DCAF5: variants seen among roughly 807,000 people sequenced by gnomAD.
The protein encoded by DCAF5 is DDB1- and CUL4-associated factor 5.
Under a neutral mutation model 80.7 loss-of-function variants are expected in DCAF5, and 9 were observed. The ratio of observed to expected loss-of-function variants is 0.11; its 90% CI spans 0.07 to 0.19. DCAF5 has a LOEUF of 0.19. Ranked by LOEUF, DCAF5 falls within the 10% of genes least tolerant of loss-of-function variation. The pLI, the probability that DCAF5 is intolerant of heterozygous loss-of-function variation, is 1.00. For synonymous variants in DCAF5, 433 were observed against 461.9 expected (o/e 0.94, Z 0.80); for missense variants, 842 against 1,205.7 (o/e 0.70, Z 4.47).
chr14:69,079,689 G>A (rs1001675535), intron 6 of DCAF5, among the ~76,000 whole-genome samples: 13 of 152,160 alleles, frequency 8.5e-5, no homozygotes, highest in African/African-American at 3.1e-4. Flanking sequence ...TCTAATATGT[G>A]TTAGGCATTG....
intron 7 of DCAF5, among the ~76,000 whole-genome samples, chr14:69,071,466 G>A (rs1017749068): frequency 2.6e-5 from 4 of 152,126 alleles, no homozygotes; most frequent in Non-Finnish European, 4.4e-5. Flanking sequence ...AATAAATGCT[G>A]ACTGCTTGTC....
At chr14:69,126,827 A>G (rs1395914602) in intron 1 of DCAF5, among the ~76,000 whole-genome samples, 4 of 152,152 alleles carry the variant, frequency 2.6e-5, no homozygotes, top group African/African-American at 9.6e-5. Context: ...TTTTCAACAA[A>G]TGGTGCTGAA....
intron 6 of DCAF5, chr14:69,090,193 A>C (rs2039483087): frequency 4.9e-6 from 4 of 811,454 alleles, no homozygotes. Context: ...AAAGGAAGAG[A>C]GGGAGAGACT....
intron 1 of DCAF5, among the ~76,000 whole-genome samples, chr14:69,132,118 T>C (rs2041060110): frequency 6.6e-6 from 1 of 152,230 alleles, no homozygotes; most frequent in South Asian, 2.1e-4. Flanking sequence ...TACAAATATC[T>C]GTTTGAGCCT....
At chr14:69,099,779 C>T (rs1594995298) in intron 5 of DCAF5, among the ~76,000 whole-genome samples, 1 of 71,294 alleles carries the variant, frequency 1.4e-5, no homozygotes, top group Non-Finnish European at 3.0e-5. Flanking sequence ...CCTGTCTCTA[C>T]AAAAAAAAAA....
At chr14:69,139,321 G>A (rs2041288086) in intron 1 of DCAF5, among the ~76,000 whole-genome samples, 1 of 150,762 alleles carries the variant, frequency 6.6e-6, no homozygotes, top group Non-Finnish European at 1.5e-5. Context: ...TTGTCTCTAC[G>A]AAAAAATTAA....
chr14:69,130,628 A>G (rs868744334), intron 1 of DCAF5, among the ~76,000 whole-genome samples: 8 of 152,384 alleles, frequency 5.2e-5, no homozygotes, highest in South Asian at 4.1e-4. Flanking sequence ...TACTACTTAT[A>G]TATGTACAAT....
At chr14:69,145,250 T>A (rs2041503375) in intron 1 of DCAF5, among the ~76,000 whole-genome samples, 2 of 152,244 alleles carry the variant, frequency 1.3e-5, no homozygotes, top group Non-Finnish European at 2.9e-5. Context: ...ACTCCGGGGC[T>A]CAAGTGATCC....
rs1313106699 is a variant in DCAF5, at chr14:69,146,559, T to C, written c.214+6206A>G. On this transcript the variant is annotated intron_variant, in intron 1 of 8. Transcript: ENST00000341516. ...AAGAGCATTTTTGCTGTATTAAGTA[T>C]AGCAAACCAGAGGAAAAAAAAATCT... Among the ~76,000 whole-genome samples, 4 of 152,092 alleles carry C rather than the reference T, an allele frequency of 2.6e-5. No individual in the cohort carries two copies. In the East Asian group the frequency reaches 7.7e-4, roughly 29 times the overall value.
At chr14:69,070,248 A>C (rs2038632597) in intron 7 of DCAF5, among the ~76,000 whole-genome samples, 1 of 152,206 alleles carries the variant, frequency 6.6e-6, no homozygotes, top group African/African-American at 2.4e-5. Flanking sequence ...AGGGAAAGGC[A>C]ATATAAATAT....
chr14:69,139,058 G>A (rs2041276784), intron 1 of DCAF5, among the ~76,000 whole-genome samples: 1 of 152,098 alleles, frequency 6.6e-6, no homozygotes, highest in Non-Finnish European at 1.5e-5. Context: ...GGTTGAGGTG[G>A]GAGGATCACT....
Position 69,152,504 on chromosome 14 carries a change from A to G in DCAF5, c.214+261T>C. On this transcript the variant is annotated intron_variant, in intron 1 of 8. Transcript: ENST00000341516. This position sits in a 1 kb window ranked among gnomAD's most constrained non-coding sequence, Gnocchi z 4.1. ...CCCGACCTACACTTTCAGGGCAGGCATCAGGAGAGATCACTTTGCACTTGG... is the reference window on the plus strand; with the variant it reads ...CCCGACCTACACTTTCAGGGCAGGCGTCAGGAGAGATCACTTTGCACTTGG... 2 of 489,860 alleles carry G rather than the reference A, an allele frequency of 4.1e-6. No homozygotes were observed. The highest frequency in any genetic ancestry group is 7.4e-6 in the Non-Finnish European group (2 of 268,796). 30.3% of individuals were successfully genotyped at this position (489,860 alleles called of 1,614,324 possible).
intron 6 of DCAF5, among the ~76,000 whole-genome samples, chr14:69,078,653 G>A (rs2038985765): frequency 6.6e-6 from 1 of 152,180 alleles, no homozygotes; most frequent in Non-Finnish European, 1.5e-5. Flanking sequence ...ACTGAAATAA[G>A]CCAGTCACAA....
chr14:69,055,188 T>C lies in DCAF5; in HGVS notation c.1498A>G (p.Thr500Ala). 6.2e-7 allele frequency: 1 copy of C among 1,614,128 alleles called. No individual in the cohort carries two copies. The highest frequency in any genetic ancestry group is 8.5e-7 in the Non-Finnish European group (1 of 1,180,018). Residue 500 changes from threonine to alanine, a missense_variant, in exon 9 of 9, where the codon ACA becomes GCA. This residue lies in a region of DCAF5 where 607 missense variants were observed against 656.6 expected (regional missense o/e 0.92). Transcript: ENST00000341516. This position sits in a 1 kb window ranked among gnomAD's most constrained non-coding sequence, Gnocchi z 5.6. Reference protein sequence around the residue: ...TTNTVASTPPTPTCEDAASRQ... With the variant: ...TTNTVASTPPAPTCEDAASRQ... ...GAGGCTGCATCCTCACACGTGGGTG[T>C]TGGTGGAGTTGAGGCTACTGTGTTT... is the stretch of plus-strand genomic sequence containing the variant.
Position 69,055,174 on chromosome 14 carries a change from C to G in DCAF5, c.1512G>C (p.Glu504Asp). 1 of 1,614,250 alleles carries G rather than the reference C, an allele frequency of 6.2e-7. No individual in the cohort carries two copies. Among genetic ancestry groups the G allele is most frequent in the Admixed American group, 1.7e-5 (1 of 60,032 alleles). ...VASTPPTPTCEDAASRQQRLS... is the reference protein window; with the variant it reads ...VASTPPTPTCDDAASRQQRLS... ...GACGCTGCTGGCGAGAGGCTGCATC[C>G]TCACACGTGGGTGTTGGTGGAGTTG... is the stretch of plus-strand genomic sequence containing the variant. The change falls in exon 9 of 9, where the codon GAG becomes GAC. Residue 504 changes from glutamate (E) to aspartate (D), a missense_variant. Coordinates refer to ENST00000341516, the MANE Select transcript of DCAF5 (RefSeq NM_003861.3). The surrounding 1 kb of genome is among the most constrained non-coding windows in gnomAD (Gnocchi z 5.6).
At chr14:69,073,023 C>A (rs1343196531) in intron 7 of DCAF5, among the ~76,000 whole-genome samples, 1 of 152,222 alleles carries the variant, frequency 6.6e-6, no homozygotes, top group Non-Finnish European at 1.5e-5. Context: ...GGTGTACTTT[C>A]TGAAACACTG....
chr14:69,063,058 TC>T (rs1036416569), intron 7 of DCAF5, among the ~76,000 whole-genome samples: 4 of 151,914 alleles, frequency 2.6e-5, no homozygotes, highest in African/African-American at 7.3e-5. Flanking sequence ...AGAATACTTT[TC>T]CCCCCGATAG....
intron 5 of DCAF5, among the ~76,000 whole-genome samples, chr14:69,101,519 A>G (rs1303602298): frequency 6.6e-6 from 1 of 152,224 alleles, no homozygotes; most frequent in Non-Finnish European, 1.5e-5. Context: ...GACTTCCTGG[A>G]AGAAAAACCT....
intron 8 of DCAF5, among the ~76,000 whole-genome samples, chr14:69,056,915 C>G (rs1250327571): frequency 6.6e-6 from 1 of 152,190 alleles, no homozygotes; most frequent in African/African-American, 2.4e-5. Flanking sequence ...AACTTTGTTC[C>G]CTACCCATAA....
Sources: gnomAD v4.1 joint callset for allele counts (sites outside exome capture counted in the v4.1 genomes callset) on GRCh38, gnomAD v4.1.1 for gene constraint, gnomAD v4.1.1 regional missense constraint, Gnocchi (gnomAD v3.1) non-coding constraint, MANE v1.5 for transcripts, NCBI Gene and HGNC (gene_info 2026-07-23, HGNC 2026-07-21) for gene names.